Variants in ESRRG observed in about 807,000 individuals in gnomAD.
The protein encoded by ESRRG is estrogen related receptor gamma.
A neutral mutation model predicts 44.0 loss-of-function variants in ESRRG; 13 were observed. The ratio of observed to expected loss-of-function variants is 0.30; its 90% CI spans 0.19 to 0.47. The LOEUF (loss-of-function observed/expected upper bound fraction) is 0.47. Ranked by LOEUF, ESRRG falls within the 20% of genes least tolerant of loss-of-function variation. The pLI, the probability that ESRRG is intolerant of heterozygous loss-of-function variation, is 1.00. For missense variants in ESRRG, 395 were observed against 580.6 expected, an observed-to-expected ratio of 0.68 and a Z score of 3.29; for synonymous variants, 215 against 214.6, an observed-to-expected ratio of 1.00 and a Z score of -0.02.
intron 2 of ESRRG, among the ~76,000 whole-genome samples, chr1:216,934,650 C>T (rs1037047477): frequency 2.0e-5 from 3 of 152,106 alleles, no homozygotes; most frequent in African/African-American, 7.2e-5. Flanking sequence ...TATTAACCAT[C>T]ACAAGAATAG....
intron 2 of ESRRG, among the ~76,000 whole-genome samples, chr1:216,790,687 A>G (rs776422625): frequency 2.2e-4 from 33 of 152,184 alleles, no homozygotes; most frequent in Admixed American, 9.2e-4. Flanking sequence ...GGTAATAGGA[A>G]ATAAGGCTGG....
At chr1:216,694,341 G>A (rs1234417104) in intron 1 of ESRRG, among the ~76,000 whole-genome samples, 2 of 152,076 alleles carry the variant, frequency 1.3e-5, no homozygotes, top group Admixed American at 6.6e-5. Context: ...TGTAGGAGGG[G>A]GTGGTGCTGA....
At chr1:216,832,897 T>C (rs1488064970) in intron 2 of ESRRG, among the ~76,000 whole-genome samples, 2 of 151,310 alleles carry the variant, frequency 1.3e-5, no homozygotes, top group African/African-American at 2.4e-5. Flanking sequence ...AATCCCTGGA[T>C]CCCAGAGGCA....
At chr1:216,970,014 T>G (rs1461634269) in intron 1 of ESRRG, among the ~76,000 whole-genome samples, 1 of 152,168 alleles carries the variant, frequency 6.6e-6, no homozygotes, top group Non-Finnish European at 1.5e-5. Context: ...CAATGGCACA[T>G]GAAAGAATCA....
chr1:216,890,307 G>A (rs1016625881), intron 2 of ESRRG, among the ~76,000 whole-genome samples: 7 of 152,048 alleles, frequency 4.6e-5, no homozygotes, highest in African/African-American at 1.7e-4. Flanking sequence ...GCAATAAACT[G>A]AACTTGATTG....
chr1:216,797,524 T>A (rs4548510), intron 2 of ESRRG, among the ~76,000 whole-genome samples: 83,114 of 151,372 alleles, frequency 0.55, 23,613 homozygotes, highest in African/African-American at 0.71. Flanking sequence ...TAAATTCCTA[T>A]TAGGAAAACA....
At chr1:216,810,324 A>T (rs1283144298) in intron 2 of ESRRG, among the ~76,000 whole-genome samples, 1 of 152,110 alleles carries the variant, frequency 6.6e-6, no homozygotes. Flanking sequence ...TGTTCAGAGC[A>T]TGCAGCATTA....
chr1:216,530,661 C>G (rs957839102), intron 5 of ESRRG, among the ~76,000 whole-genome samples: 10 of 152,094 alleles, frequency 6.6e-5, no homozygotes, highest in African/African-American at 2.2e-4. Flanking sequence ...CTGCCACGTA[C>G]AAAAGGGAGT....
chr1:216,964,943 T>C (rs2150217700), intron 1 of ESRRG, among the ~76,000 whole-genome samples: 1 of 152,240 alleles, frequency 6.6e-6, no homozygotes, highest in Admixed American at 6.5e-5. Flanking sequence ...TAAACAAAGA[T>C]CCAATAGGAT....
chr1:216,856,381 A>G (rs897007521), intron 2 of ESRRG, among the ~76,000 whole-genome samples: 8 of 151,806 alleles, frequency 5.3e-5, no homozygotes, highest in African/African-American at 1.9e-4. Flanking sequence ...ACACACACAC[A>G]CACACACACT....
intron 1 of ESRRG, among the ~76,000 whole-genome samples, chr1:217,083,298 A>T (rs2091887839): frequency 6.6e-6 from 1 of 152,228 alleles, no homozygotes; most frequent in African/African-American, 2.4e-5. Context: ...TGAGGCTTTC[A>T]TTCGAAACCA....
In ESRRG at chr1:216,677,167, C is replaced by T. The variant is rs1274531360; in HGVS notation, c.381G>A (p.Leu127=). Residue 127 remains leucine (L), a synonymous_variant, in exon 2 of 7, where the codon CTG becomes CTA. Coordinates refer to ENST00000408911, the MANE Select transcript of ESRRG (RefSeq NM_001438.4). ...EYMLNSMPKR[L]CLVCGDIASG... ...AAGCGATGTCACCACACACTAAACA[C>T]AGTCTCTTGGGCATCGAGTTGAGCA... 3 of 1,614,052 alleles carry T rather than the reference C, an allele frequency of 1.9e-6. No individual in the cohort carries two copies. The East Asian group carries it at 6.7e-5, about 36-fold the overall frequency.
At chr1:217,083,654 G>C (rs2091908309) in intron 1 of ESRRG, among the ~76,000 whole-genome samples, 1 of 152,190 alleles carries the variant, frequency 6.6e-6, no homozygotes, top group Admixed American at 6.5e-5. Context: ...AAAGAGCACA[G>C]TTCTAACTTT....
chr1:216,874,164 A>G lies in ESRRG; in HGVS notation c.-14+65418T>C, dbSNP rs532744794. On this transcript the variant is annotated intron_variant, in intron 2 of 7. Coordinates refer to the ESRRG transcript ENST00000359162. ...ACTTCTGGGTTTCAACTATGAGATCAAGTTAGAAGCTACCAGAAGGGGAAC... is the reference window on the plus strand; with the variant it reads ...ACTTCTGGGTTTCAACTATGAGATCGAGTTAGAAGCTACCAGAAGGGGAAC... Among the ~76,000 whole-genome samples, 121 of 152,212 alleles carry G rather than the reference A, an allele frequency of 7.9e-4. 5 individuals are homozygous for G. The South Asian group carries it at 0.024, about 31-fold the overall frequency.
chr1:216,864,410 C>T (rs1027614333), intron 2 of ESRRG: 2 of 149,898 alleles, frequency 1.3e-5, no homozygotes, highest in Non-Finnish European at 3.0e-5. Flanking sequence ...CTGTTTGGAA[C>T]ACATTTAAAA....
chr1:216,958,175 T>G (rs1560260351), intron 1 of ESRRG, among the ~76,000 whole-genome samples: 2 of 152,336 alleles, frequency 1.3e-5, no homozygotes, highest in East Asian at 3.9e-4. Context: ...TAATTCATTA[T>G]TTGTTGATGG....
rs189244969 is a variant in ESRRG at position 216,687,793 on chromosome 1, C to G, written c.57-10302G>C. On this transcript the variant is annotated intron_variant, in intron 1 of 6. Transcript: ENST00000408911. ...GCCAACAGAACAGATATTTCTGCAG[C>G]CCTTATTAGGTGAAAATAAGTGTTG... Among the ~76,000 whole-genome samples, 6 of 152,306 alleles carry G rather than the reference C, an allele frequency of 3.9e-5. No homozygotes were observed. In the East Asian group the frequency reaches 9.7e-4, roughly 25 times the overall value.
At chr1:216,737,725 C>G (rs1320011019) in intron 2 of ESRRG, among the ~76,000 whole-genome samples, 1 of 151,716 alleles carries the variant, frequency 6.6e-6, no homozygotes, top group East Asian at 1.9e-4. Flanking sequence ...GGGCAAGTAC[C>G]TGAATTATTG....
intron 1 of ESRRG, among the ~76,000 whole-genome samples, chr1:216,982,246 T>C (rs945235930): frequency 2.0e-5 from 3 of 152,230 alleles, no homozygotes; most frequent in African/African-American, 7.2e-5. Context: ...GATACCATAG[T>C]ACAGCCTTTC....
Sources: gnomAD v4.1 joint callset for allele counts (sites outside exome capture counted in the v4.1 genomes callset) on GRCh38, gnomAD v4.1.1 for gene constraint, MANE v1.5 for transcripts, NCBI Gene and HGNC (gene_info 2026-07-23, HGNC 2026-07-21) for gene names.